Variants in LRRC4C observed in about 807,000 individuals in gnomAD.
LRRC4C encodes leucine-rich repeat-containing protein 4C.
A neutral mutation model predicts 33.6 loss-of-function variants in LRRC4C; 5 were observed. That is an observed-to-expected ratio of 0.15 (90% CI 0.08 to 0.31). The LOEUF (loss-of-function observed/expected upper bound fraction) is 0.31, where lower values mean the gene tolerates loss of function less well. LRRC4C is among the 10% of genes least tolerant of loss of function. The pLI is 1.00. For missense variants in LRRC4C, 560 were observed against 796.7 expected (o/e 0.70, Z 3.58); for synonymous variants, 329 against 302.0 (o/e 1.09, Z -0.93).
At chr11:40,368,213 G>A (rs1329528358) in intron 3 of LRRC4C, among the ~76,000 whole-genome samples, 1 of 152,144 alleles carries the variant, frequency 6.6e-6, no homozygotes, top group Non-Finnish European at 1.5e-5. Context: ...TATAGGCTAT[G>A]AGAGACTATT....
intron 3 of LRRC4C, among the ~76,000 whole-genome samples, chr11:40,402,682 T>G (rs191510912): frequency 2.0e-5 from 3 of 152,082 alleles, no homozygotes; most frequent in Non-Finnish European, 4.4e-5. Flanking sequence ...TTCCAATAAG[T>G]CAGAGAGCTA....
intron 1 of LRRC4C, among the ~76,000 whole-genome samples, chr11:41,455,071 C>T (rs1399742848): frequency 6.6e-6 from 1 of 152,098 alleles, no homozygotes; most frequent in East Asian, 1.9e-4. Context: ...AACTACAAAG[C>T]CTGTTCTCAA....
intron 1 of LRRC4C, among the ~76,000 whole-genome samples, chr11:40,988,363 T>C (rs1182848109): frequency 1.3e-5 from 2 of 152,142 alleles, no homozygotes; most frequent in Non-Finnish European, 2.9e-5. Flanking sequence ...TTGAAGTTAC[T>C]CAGTCTAAGT....
chr11:40,888,173 A>C (rs968502436), intron 2 of LRRC4C, among the ~76,000 whole-genome samples: 1 of 151,898 alleles, frequency 6.6e-6, no homozygotes, highest in Admixed American at 6.6e-5. Flanking sequence ...TTGTAAGTAC[A>C]TGAGTTCTTG....
intron 3 of LRRC4C, among the ~76,000 whole-genome samples, chr11:40,402,570 A>T (rs1280216443): frequency 6.6e-6 from 1 of 152,120 alleles, no homozygotes; most frequent in Non-Finnish European, 1.5e-5. Context: ...TCACTTGGGC[A>T]AATGCCAAAT....
Position 40,210,003 on chromosome 11 carries a change from T to C in LRRC4C, c.-96+31516A>G, listed in dbSNP as rs148986977. Among the ~76,000 whole-genome samples the C allele has an allele frequency of 1.9e-3, 282 of 152,212 alleles. 3 individuals carry two copies. Among genetic ancestry groups the C allele is most frequent in the African/African-American group, 6.2e-3 (258 of 41,550 alleles). ...CACACTTGGATAGTACAGGATCCTT[T>C]AGGAAGAGATGTGAGACAGGTTCAA... On this transcript the variant is annotated intron_variant, in intron 5 of 6. Coordinates refer to ENST00000528697, the MANE Select transcript of LRRC4C (RefSeq NM_001258419.2).
At chr11:41,169,798 G>T (rs1335482935) in intron 1 of LRRC4C, among the ~76,000 whole-genome samples, 1 of 152,128 alleles carries the variant, frequency 6.6e-6, no homozygotes, top group Admixed American at 6.6e-5. Context: ...AGTAAATGCT[G>T]CATACTTTCA....
intron 3 of LRRC4C, among the ~76,000 whole-genome samples, chr11:40,516,783 T>C (rs890479876): frequency 1.3e-5 from 2 of 152,092 alleles, no homozygotes; most frequent in African/African-American, 2.4e-5. Flanking sequence ...AAAAATATGG[T>C]TGGAGTTGGC....
At chr11:40,369,227 GCT>G (rs1948344410) in intron 3 of LRRC4C, among the ~76,000 whole-genome samples, 1 of 152,172 alleles carries the variant, frequency 6.6e-6, no homozygotes, top group South Asian at 2.1e-4. Context: ...GTTGGAATCA[GCT>G]CTGTCTCCTG....
At chr11:40,951,378 T>C (rs1377079888) in intron 1 of LRRC4C, among the ~76,000 whole-genome samples, 1 of 151,896 alleles carries the variant, frequency 6.6e-6, no homozygotes, top group African/African-American at 2.4e-5. Context: ...GCTATTGTGC[T>C]TCTTAGTTTA....
intron 3 of LRRC4C, among the ~76,000 whole-genome samples, chr11:40,348,770 T>C (rs1947251612): frequency 6.6e-6 from 1 of 152,224 alleles, no homozygotes; most frequent in Non-Finnish European, 1.5e-5. Flanking sequence ...TAGTTTCTTA[T>C]ACAACACATA....
chr11:40,719,482 G>A (rs527950040), intron 2 of LRRC4C, among the ~76,000 whole-genome samples: 2 of 152,226 alleles, frequency 1.3e-5, no homozygotes, highest in East Asian at 3.9e-4. Context: ...TGACTTTAAT[G>A]TGAGGTCTGT....
At chr11:40,591,045 G>T (rs911227048) in intron 3 of LRRC4C, among the ~76,000 whole-genome samples, 2 of 152,132 alleles carry the variant, frequency 1.3e-5, no homozygotes, top group Non-Finnish European at 2.9e-5. Flanking sequence ...ACCTAAGCAC[G>T]CCTGGGCAAT....
chr11:40,198,953 C>G (rs1425308064), intron 5 of LRRC4C, among the ~76,000 whole-genome samples: 2 of 152,274 alleles, frequency 1.3e-5, no homozygotes, highest in East Asian at 3.9e-4. Context: ...AATAACTGTT[C>G]TAGGTAGCAG....
At chr11:40,745,916 A>G (rs941508044) in intron 2 of LRRC4C, among the ~76,000 whole-genome samples, 6 of 152,194 alleles carry the variant, frequency 3.9e-5, no homozygotes, top group Non-Finnish European at 8.8e-5. Context: ...GCAATATATG[A>G]CTTCAAAATG....
rs184759533 is a variant in LRRC4C at position 41,319,451 on chromosome 11, A to G, written c.-496+139980T>C. 6.9e-4 allele frequency among the ~76,000 whole-genome samples: 105 copies of G among 152,324 alleles called. 1 individual carries two copies. Among genetic ancestry groups the G allele is most frequent in the African/African-American group, 2.4e-3 (101 of 41,576 alleles). On this transcript the variant is annotated intron_variant, in intron 1 of 6. Transcript: ENST00000528697. ...ATGGTCTTTCCAGAATGAGACAACA[A>G]GTTGCCACAGTCTATATTTTTCAAG...
At chr11:40,329,058 C>G (rs896155564) in intron 3 of LRRC4C, among the ~76,000 whole-genome samples, 5 of 152,070 alleles carry the variant, frequency 3.3e-5, no homozygotes, top group Non-Finnish European at 7.3e-5. Flanking sequence ...CTGTGGTGAG[C>G]CAAAAAGTAG....
rs560185933 is a variant in LRRC4C at position 41,252,740 on chromosome 11, A to G, written c.-496+206691T>C. 5.3e-5 allele frequency among the ~76,000 whole-genome samples: 8 copies of G among 152,294 alleles called. No homozygotes were observed. The East Asian group carries it at 1.5e-3, about 29-fold the overall frequency. On this transcript the variant is annotated intron_variant, in intron 1 of 6. Coordinates refer to ENST00000528697, the MANE Select transcript of LRRC4C (RefSeq NM_001258419.2). ...AGAGATTTAATTGACTCACAGTTCCACATAACTGGGAAGGCCTCACAATCA... is the reference window on the plus strand; with the variant it reads ...AGAGATTTAATTGACTCACAGTTCCGCATAACTGGGAAGGCCTCACAATCA...
chr11:40,587,067 G>T (rs1319333180), intron 3 of LRRC4C, among the ~76,000 whole-genome samples: 2 of 151,942 alleles, frequency 1.3e-5, no homozygotes, highest in Middle Eastern at 3.4e-3. Context: ...ACCTTGGGCA[G>T]TATGGCCATT....
Sources: allele counts gnomAD v4.1 joint callset (sites outside exome capture counted in the v4.1 genomes callset), GRCh38; gene constraint gnomAD v4.1.1; transcripts MANE v1.5; gene names NCBI Gene and HGNC (gene_info 2026-07-23, HGNC 2026-07-21).